Variants in RUNX2 observed in about 807,000 individuals in gnomAD.
RUNX2 encodes runt-related transcription factor 2.
A neutral mutation model predicts 51.7 loss-of-function variants in RUNX2; 10 were observed. The observed-to-expected ratio is 0.19, with a 90% CI of 0.12 to 0.33. The LOEUF (loss-of-function observed/expected upper bound fraction) is 0.33. Among genes scored for constraint, RUNX2 ranks in the 10% least tolerant of loss-of-function variants. The probability of loss-of-function intolerance (pLI) is 1.00; values close to 1 mark genes in which losing one functional copy is unlikely to be tolerated. For synonymous variants in RUNX2, 276 were observed against 273.6 expected (o/e 1.01, Z -0.09); for missense variants, 562 against 691.3 (o/e 0.81, Z 2.10).
chr6:45,390,562 A>G (rs1021521573), intron 2 of RUNX2, among the ~76,000 whole-genome samples: 1 of 152,240 alleles, frequency 6.6e-6, no homozygotes, highest in Non-Finnish European at 1.5e-5. Flanking sequence ...TGTTGACATA[A>G]CTAGTCTTGA....
At chr6:45,430,769 T>C (rs13203128) in intron 3 of RUNX2, among the ~76,000 whole-genome samples, 51 of 152,150 alleles carry the variant, frequency 3.4e-4, no homozygotes, top group Non-Finnish European at 6.2e-4. Context: ...GTGGGCTACT[T>C]GAGCTGCGGT....
intron 2 of RUNX2, among the ~76,000 whole-genome samples, chr6:45,364,016 G>C (rs1429492850): frequency 6.6e-6 from 1 of 151,882 alleles, no homozygotes; most frequent in African/African-American, 2.4e-5. Context: ...TTGGGAGGCT[G>C]AGGCAGGAAA....
intron 6 of RUNX2, among the ~76,000 whole-genome samples, chr6:45,507,858 T>C (rs550757059): frequency 3.9e-5 from 6 of 152,196 alleles, no homozygotes; most frequent in Non-Finnish European, 8.8e-5. Context: ...AAATATAAAA[T>C]GAAGGTTCAG....
chr6:45,530,042 C>T (rs1221478903), intron 7 of RUNX2, among the ~76,000 whole-genome samples: 1 of 152,186 alleles, frequency 6.6e-6, no homozygotes, highest in Non-Finnish European at 1.5e-5. Flanking sequence ...ATGTGGTTAT[C>T]TTTCAGCCCA....
intron 2 of RUNX2, among the ~76,000 whole-genome samples, chr6:45,338,649 T>A (rs935594390): frequency 2.0e-5 from 3 of 152,140 alleles, no homozygotes; most frequent in Non-Finnish European, 4.4e-5. Flanking sequence ...CTTTCTCAAA[T>A]AGTTAATTTA....
At chr6:45,387,326 A>G (rs1399357546) in intron 2 of RUNX2, among the ~76,000 whole-genome samples, 1 of 152,236 alleles carries the variant, frequency 6.6e-6, no homozygotes, top group East Asian at 1.9e-4. Context: ...AGAAGCTAGA[A>G]TAAATTATGT....
chr6:45,516,689 T>C lies in RUNX2; in HGVS notation c.1021+4282T>C, dbSNP rs150491430. Among the ~76,000 whole-genome samples, 691 of 152,366 alleles carry C rather than the reference T, an allele frequency of 4.5e-3. 1 individual carries two copies. The highest frequency in any genetic ancestry group is 6.7e-3 in the Non-Finnish European group (454 of 68,042). Reference sequence around the variant, plus strand: ...GTAAGGTGTGACAAGGCAAGCCTTATATGACCCGAACCACTGCATGTCTTT... The same window carrying C: ...GTAAGGTGTGACAAGGCAAGCCTTACATGACCCGAACCACTGCATGTCTTT... On this transcript the variant is annotated intron_variant, in intron 7 of 8. Transcript: ENST00000647337.
At chr6:45,485,443 C>G (rs1800244891) in intron 5 of RUNX2, among the ~76,000 whole-genome samples, 1 of 151,754 alleles carries the variant, frequency 6.6e-6, no homozygotes, top group South Asian at 2.1e-4. Context: ...CTCAGGTGAT[C>G]TGCTCGCCTC....
chr6:45,417,519 A>G (rs183861819), intron 2 of RUNX2, among the ~76,000 whole-genome samples: 46 of 152,380 alleles, frequency 3.0e-4, no homozygotes, highest in Admixed American at 3.9e-4. Flanking sequence ...TCACTTTTAG[A>G]GAACTAATCT....
intron 5 of RUNX2, among the ~76,000 whole-genome samples, chr6:45,481,397 A>G (rs1177217277): frequency 6.6e-6 from 1 of 152,244 alleles, no homozygotes; most frequent in African/African-American, 2.4e-5. Flanking sequence ...GGGTCTCTAT[A>G]AGTGCTCGAA....
chr6:45,535,353 C>T (rs1801998299), intron 7 of RUNX2, among the ~76,000 whole-genome samples: 1 of 152,114 alleles, frequency 6.6e-6, no homozygotes, highest in Non-Finnish European at 1.5e-5. Context: ...GCCTGTAATC[C>T]CAGCACTTTG....
chr6:45,538,449 G>T (rs956242858), intron 7 of RUNX2, among the ~76,000 whole-genome samples: 4 of 151,932 alleles, frequency 2.6e-5, no homozygotes, highest in African/African-American at 7.3e-5. Context: ...CGCAGGAAAG[G>T]CTCTCTCTGA....
At chr6:45,460,828 A>G (rs1413620592) in intron 5 of RUNX2, among the ~76,000 whole-genome samples, 1 of 152,214 alleles carries the variant, frequency 6.6e-6, no homozygotes, top group African/African-American at 2.4e-5. Flanking sequence ...GAGCCTTGGC[A>G]TCTTCAGCAG....
intron 2 of RUNX2, among the ~76,000 whole-genome samples, chr6:45,356,108 G>C (rs1470008624): frequency 6.6e-6 from 1 of 152,134 alleles, no homozygotes; most frequent in Non-Finnish European, 1.5e-5. Flanking sequence ...CTCTAGAAAA[G>C]TGGTTGTGTA....
At position 45,366,692 on chromosome 6, in the gene RUNX2, ATAAGT is replaced by A. The variant is rs369930061; in HGVS notation, c.58+37910_58+37914del. ...TAAACAAATACTAAGTAGCTTCTTT[ATAAGT>A]TGAGTTTTCACTGATGACATCACTA... On this transcript the variant is annotated intron_variant, in intron 2 of 8. Transcript: ENST00000647337. Among the ~76,000 whole-genome samples the A allele has an allele frequency of 8.5e-5, 13 of 152,296 alleles. No individual in the cohort carries two copies. The South Asian group carries it at 1.7e-3, about 19-fold the overall frequency.
chr6:45,486,681 T>C (rs1425794177), intron 5 of RUNX2, among the ~76,000 whole-genome samples: 2 of 152,140 alleles, frequency 1.3e-5, no homozygotes, highest in African/African-American at 4.8e-5. Flanking sequence ...GTAAGTGCAT[T>C]TTGACATTCT....
intron 6 of RUNX2, among the ~76,000 whole-genome samples, chr6:45,499,935 C>T (rs755311164): frequency 2.6e-5 from 4 of 152,150 alleles, no homozygotes; most frequent in East Asian, 1.9e-4. Flanking sequence ...TGTATATGTA[C>T]GTATATATGT....
At chr6:45,541,804 C>A (rs1237999973) in intron 7 of RUNX2, among the ~76,000 whole-genome samples, 1 of 152,218 alleles carries the variant, frequency 6.6e-6, no homozygotes, top group Admixed American at 6.5e-5. Flanking sequence ...GGTTTCCCAG[C>A]TGACAGCCCC....
intron 2 of RUNX2, among the ~76,000 whole-genome samples, chr6:45,382,835 T>C (rs185527380): frequency 2.6e-5 from 4 of 152,310 alleles, no homozygotes; most frequent in Non-Finnish European, 4.4e-5. Context: ...CAAAAGATGA[T>C]GGTAGCTTGT....
Sources: allele counts gnomAD v4.1 joint callset (sites outside exome capture counted in the v4.1 genomes callset), GRCh38; gene constraint gnomAD v4.1.1; transcripts MANE v1.5; gene names NCBI Gene and HGNC (gene_info 2026-07-23, HGNC 2026-07-21).